TRIM16: variants seen among roughly 807,000 people sequenced by gnomAD.
The protein encoded by TRIM16 is tripartite motif-containing protein 16.
Under a neutral mutation model 50.4 loss-of-function variants are expected in TRIM16, and 33 were observed. The observed-to-expected ratio is 0.65, with a 90% CI of 0.50 to 0.88. The LOEUF (loss-of-function observed/expected upper bound fraction) is 0.88. Ranked by LOEUF, TRIM16 falls within the 40% of genes least tolerant of loss-of-function variation. The pLI is 0.00. For missense variants in TRIM16, 581 were observed against 686.8 expected (o/e 0.85, Z 1.72); for synonymous variants, 229 against 270.7 (o/e 0.85, Z 1.51).
At position 15,628,646 on chromosome 17, in the gene TRIM16, G is replaced by A. The variant is rs762377562; in HGVS notation, c.1664C>T (p.Pro555Leu). The change falls in exon 12 of 12, where the codon CCA (proline) becomes CTA (leucine). Residue 555 changes from proline (P) to leucine (L), a missense_variant. Around this residue, in one of 3 missense-constraint regions of TRIM16, gnomAD observed 16 missense variants for 35.8 expected, o/e 0.45. Coordinates refer to ENST00000649191, the MANE Select transcript of TRIM16 (RefSeq NM_001348119.1). Reference sequence around the variant, plus strand: ...AGCAGTCCCCACCAAGGACGGTGCTGGCTTCTCGGGTTCCTCTCCCAGATC... The same window carrying A: ...AGCAGTCCCCACCAAGGACGGTGCTAGCTTCTCGGGTTCCTCTCCCAGATC... ...IVDLGEEPEK[P>L]APSLVGTAP 3 of 1,613,352 alleles carry A rather than the reference G, an allele frequency of 1.9e-6. No homozygotes were observed. In the South Asian group the frequency reaches 3.3e-5, roughly 18 times the overall value.
chr17:15,676,443 T>C (rs1487637048), intron 6 of TRIM16, among the ~76,000 whole-genome samples: 2 of 150,606 alleles, frequency 1.3e-5, no homozygotes, highest in Non-Finnish European at 3.0e-5. Context: ...TTTTTTTTTT[T>C]TTTTTTCTTG....
At chr17:15,648,334 T>C (rs1228030097) in intron 7 of TRIM16, among the ~76,000 whole-genome samples, 1 of 149,046 alleles carries the variant, frequency 6.7e-6, no homozygotes, top group Non-Finnish European at 1.5e-5. Context: ...CCATGAAAAA[T>C]AGCTGGGCTC....
In TRIM16 at chr17:15,674,824, G is replaced by A. The variant is rs113365984; in HGVS notation, c.-338+2352C>T. 8.1e-3 allele frequency among the ~76,000 whole-genome samples: 1,233 copies of A among 152,154 alleles called. 16 individuals are homozygous for A. The highest frequency in any genetic ancestry group is 0.028 in the African/African-American group (1,167 of 41,468). On this transcript the variant is annotated intron_variant, in intron 6 of 11. Transcript: ENST00000649191. The stretch of plus-strand genomic sequence containing the variant: ...CTATTAACTGAGTCCCTCATCTCCC[G>A]GGGGGTGATCACAAAACAGTGGGAT...
chr17:15,642,373 C>A (rs1188441348), intron 8 of TRIM16, among the ~76,000 whole-genome samples: 2 of 149,122 alleles, frequency 1.3e-5, no homozygotes, highest in Non-Finnish European at 3.0e-5. Context: ...ATGGAAGAAG[C>A]CAAGATAACG....
intron 1 of TRIM16, 82 bp from the exon 2 acceptor site, chr17:15,683,239 G>A (rs750128998): frequency 1.6e-5 from 17 of 1,068,624 alleles, no homozygotes; most frequent in African/African-American, 3.2e-5. Context: ...TACTCAGAAC[G>A]CAGAGTCTGA....
chr17:15,651,775 C>A lies in TRIM16; in HGVS notation c.-166G>T, dbSNP rs577988950. On this transcript the variant is annotated 5_prime_UTR_variant, in exon 7 of 12. Transcript: ENST00000649191. ...TCGGCCACTCATTACTGTGTGCTGG[C>A]GCTGGATGGCAGCCAGATGCGATGA... 1.9e-5 allele frequency: 28 copies of A among 1,477,284 alleles called. No individual in the cohort carries two copies. In the African/African-American group the frequency reaches 3.4e-4, roughly 18 times the overall value. The allele number at this position is 1,477,284 out of a possible 1,614,324, so 91.5% of individuals were successfully genotyped here.
intron 7 of TRIM16, among the ~76,000 whole-genome samples, chr17:15,644,067 C>CA (rs1485924259): frequency 1.3e-5 from 2 of 152,158 alleles, no homozygotes; most frequent in Non-Finnish European, 2.9e-5. Flanking sequence ...ATGCACGGGG[C>CA]AAGGGATGTG....
Position 15,644,165 on chromosome 17 carries a change from G to A in TRIM16, c.520-1349C>T, listed in dbSNP as rs938501449. 1.6e-4 allele frequency among the ~76,000 whole-genome samples: 25 copies of A among 152,156 alleles called. 2 individuals are homozygous for A. The highest frequency in any genetic ancestry group is 1.4e-3 in the Admixed American group (22 of 15,264). ...CCCCTTCAGCAATCCAGAAGCTCCC[G>A]GAAGCCCAGCCCTTTGGGTTTGTGT... On this transcript the variant is annotated intron_variant, in intron 7 of 11. Coordinates refer to ENST00000649191, the MANE Select transcript of TRIM16 (RefSeq NM_001348119.1).
intron 11 of TRIM16, among the ~76,000 whole-genome samples, chr17:15,629,419 C>T (rs1322388486): frequency 2.0e-5 from 3 of 152,218 alleles, no homozygotes; most frequent in Non-Finnish European, 4.4e-5. Context: ...GCTCAAGTTG[C>T]TTGACATTGA....
intron 7 of TRIM16, among the ~76,000 whole-genome samples, chr17:15,644,396 C>T (rs1987260488): frequency 6.6e-6 from 1 of 152,224 alleles, no homozygotes; most frequent in African/African-American, 2.4e-5. Context: ...CCATGTTGGT[C>T]AGGCTGGTCT....
chr17:15,678,338 C>T (rs140717659), intron 4 of TRIM16, among the ~76,000 whole-genome samples: 1 of 152,208 alleles, frequency 6.6e-6, no homozygotes, highest in East Asian at 1.9e-4. Flanking sequence ...TGTTTGAGAA[C>T]AGTGCTACGA....
rs532046714 is a variant in TRIM16 at position 15,661,299 on chromosome 17, G to A, written c.-337-9353C>T. Among the ~76,000 whole-genome samples, 58 of 152,270 alleles carry A rather than the reference G, an allele frequency of 3.8e-4. 2 individuals are homozygous for A. In the South Asian group the frequency reaches 0.012, roughly 32 times the overall value. ...AGGAACTTGTATGCTAATCTTATGGGTACAAACACAGCAGGATTTGAGGAG... is the reference window on the plus strand; with the variant it reads ...AGGAACTTGTATGCTAATCTTATGGATACAAACACAGCAGGATTTGAGGAG... On this transcript the variant is annotated intron_variant, in intron 6 of 11. Transcript: ENST00000649191.
intron 8 of TRIM16, among the ~76,000 whole-genome samples, chr17:15,639,619 A>G (rs2323796): frequency 0.067 from 9,512 of 141,184 alleles, 1,421 homozygotes; most frequent in African/African-American, 0.22. Flanking sequence ...TGTTGTCCAG[A>G]GCTGGCCCTC....
intron 8 of TRIM16, among the ~76,000 whole-genome samples, chr17:15,637,351 G>C (rs1597610161): frequency 8.5e-6 from 1 of 117,138 alleles, no homozygotes; most frequent in African/African-American, 3.9e-5. Flanking sequence ...GAGATGGGGG[G>C]GTCAGCCCCC....
At chr17:15,635,801 T>A (rs1019965337) in intron 9 of TRIM16, among the ~76,000 whole-genome samples, 3 of 132,382 alleles carry the variant, frequency 2.3e-5, no homozygotes, top group Non-Finnish European at 4.7e-5. Context: ...TACTGCACGT[T>A]GAACCTGACT....
intron 6 of TRIM16, among the ~76,000 whole-genome samples, chr17:15,661,357 TG>T (rs1373541933): frequency 6.6e-6 from 1 of 152,226 alleles, no homozygotes; most frequent in Non-Finnish European, 1.5e-5. Flanking sequence ...TCTCTTAAGC[TG>T]TGAGACAAGG....
intron 9 of TRIM16, among the ~76,000 whole-genome samples, chr17:15,634,185 C>T (rs1231558650): frequency 1.3e-5 from 2 of 148,322 alleles, no homozygotes; most frequent in Admixed American, 6.7e-5. Flanking sequence ...AAAAATTAGC[C>T]GGGCGCGGTG....
At position 15,651,262 on chromosome 17, in the gene TRIM16, G is replaced by C; in HGVS notation, c.348C>G (p.Ser116Arg). The C allele has an allele frequency of 1.2e-6, 2 of 1,614,242 alleles. No homozygotes were observed. The highest frequency in any genetic ancestry group is 8.5e-7 in the Non-Finnish European group (1 of 1,180,050). ...CCTTCACTGGCTCGGTCAGCAGGTG[G>C]CTTTGCAGTTTGATGTTCACCTGAT... is the stretch of plus-strand genomic sequence containing the variant. ...QPHQVNIKLQSHLLTEPVKDH... is the reference protein window; with the variant it reads ...QPHQVNIKLQRHLLTEPVKDH... The change falls in exon 7 of 12, where the codon AGC becomes AGG. Residue 116 changes from serine to arginine, a missense_variant. By Grantham distance (110) the Ser-to-Arg change is moderately radical. This residue lies in a region of TRIM16 where 450 missense variants were observed against 544.3 expected (regional missense o/e 0.83). Coordinates refer to ENST00000649191, the MANE Select transcript of TRIM16 (RefSeq NM_001348119.1).
intron 6 of TRIM16, among the ~76,000 whole-genome samples, chr17:15,673,613 A>G (rs1988806113): frequency 6.6e-6 from 1 of 151,690 alleles, no homozygotes; most frequent in Non-Finnish European, 1.5e-5. Flanking sequence ...AACAGGAAGA[A>G]AAAAAAAAGG....
Sources: allele counts gnomAD v4.1 joint callset (sites outside exome capture counted in the v4.1 genomes callset), GRCh38; gene constraint gnomAD v4.1.1; regional missense constraint gnomAD v4.1.1; transcripts MANE v1.5; gene names NCBI Gene and HGNC (gene_info 2026-07-23, HGNC 2026-07-21).